DAB1: variants seen among roughly 807,000 people sequenced by gnomAD.
The protein encoded by DAB1 is disabled homolog 1.
In DAB1, 15 loss-of-function variants were observed where a neutral mutation model predicts 64.6. The observed-to-expected ratio is 0.23, with a 90% confidence interval of 0.16 to 0.36. The LOEUF (loss-of-function observed/expected upper bound fraction) is 0.36. DAB1 is among the 10% of genes least tolerant of loss of function. DAB1 has a pLI of 1.00. For synonymous variants in DAB1, 235 were observed against 251.9 expected, an observed-to-expected ratio of 0.93 and a Z score of 0.64; for missense variants, 596 against 706.7, an observed-to-expected ratio of 0.84 and a Z score of 1.78.
At chr1:57,110,105 A>G (rs1192820681) in intron 4 of DAB1, among the ~76,000 whole-genome samples, 1 of 152,204 alleles carries the variant, frequency 6.6e-6, no homozygotes, top group Non-Finnish European at 1.5e-5. Flanking sequence ...TAAAGTGGCC[A>G]CATGTGTCTG....
intron 2 of DAB1, among the ~76,000 whole-genome samples, chr1:57,252,778 C>T (rs1669450245): frequency 6.6e-6 from 1 of 152,102 alleles, no homozygotes; most frequent in Non-Finnish European, 1.5e-5. Context: ...CCTGTAAGTC[C>T]CTGTCGACAG....
chr1:58,004,878 G>T lies in DAB1; in HGVS notation n.388-120716C>A, dbSNP rs569288987. ...CCTAAAGCCAGCTTCCTGAAGAGTG[G>T]AAAACAAACACATTCACACTGACTC... is the stretch of plus-strand genomic sequence containing the variant. On this transcript the variant is annotated intron_variant and non_coding_transcript_variant, in intron 5 of 20. Coordinates refer to the DAB1 transcript ENST00000485760. Among the ~76,000 whole-genome samples, 4 of 152,092 alleles carry T rather than the reference G, an allele frequency of 2.6e-5. No individual in the cohort carries two copies. In the South Asian group the frequency reaches 8.3e-4, roughly 32 times the overall value.
At chr1:57,144,520 C>A (rs1039113048) in intron 3 of DAB1, among the ~76,000 whole-genome samples, 1 of 151,762 alleles carries the variant, frequency 6.6e-6, no homozygotes, top group African/African-American at 2.4e-5. Context: ...ATGGTGAAAC[C>A]CCGTCTCTAC....
chr1:57,656,302 A>G (rs1281310434), intron 6 of DAB1, among the ~76,000 whole-genome samples: 1 of 152,146 alleles, frequency 6.6e-6, no homozygotes, highest in African/African-American at 2.4e-5. Context: ...TAGTCACCTC[A>G]AGGAGAGGTC....
chr1:57,481,356 C>G (rs936276493), intron 7 of DAB1, among the ~76,000 whole-genome samples: 1 of 152,122 alleles, frequency 6.6e-6, no homozygotes, highest in Non-Finnish European at 1.5e-5. Flanking sequence ...CCCCCAACAC[C>G]TCTCTCATTC....
chr1:57,086,031 G>A (rs1330252694), intron 4 of DAB1, among the ~76,000 whole-genome samples: 5 of 152,128 alleles, frequency 3.3e-5, no homozygotes, highest in African/African-American at 7.2e-5. Context: ...ATCAGTATGG[G>A]ATTATTAGGC....
intron 6 of DAB1, among the ~76,000 whole-genome samples, chr1:57,667,935 T>A (rs1318560191): frequency 6.6e-6 from 1 of 151,902 alleles, no homozygotes; most frequent in Non-Finnish European, 1.5e-5. Context: ...ATGTGGGGCT[T>A]AAAACCTAGA....
chr1:57,891,760 T>C (rs1291859964), intron 5 of DAB1, among the ~76,000 whole-genome samples: 5 of 151,756 alleles, frequency 3.3e-5, no homozygotes, highest in Non-Finnish European at 5.9e-5. Flanking sequence ...AAACCAAACA[T>C]CTCATGTTCT....
chr1:57,428,580 C>T (rs775730033), upstream of DAB1, among the ~76,000 whole-genome samples: 5 of 152,176 alleles, frequency 3.3e-5, no homozygotes, highest in East Asian at 3.9e-4. Context: ...GTCATTAGGG[C>T]GGTTCCGTAT....
intron 4 of DAB1, among the ~76,000 whole-genome samples, chr1:58,298,544 C>T (rs1395564560): frequency 6.6e-6 from 1 of 152,246 alleles, no homozygotes; most frequent in Non-Finnish European, 1.5e-5. Flanking sequence ...GAGCCTATGC[C>T]TCTCCAGCAG....
chr1:57,617,287 A>G (rs1645801251), intron 7 of DAB1, among the ~76,000 whole-genome samples: 1 of 152,074 alleles, frequency 6.6e-6, no homozygotes, highest in Non-Finnish European at 1.5e-5. Flanking sequence ...CCGCCAGTGT[A>G]CGAGAGGTTA....
At chr1:57,978,244 G>T (rs986483486) in intron 5 of DAB1, among the ~76,000 whole-genome samples, 1 of 152,118 alleles carries the variant, frequency 6.6e-6, no homozygotes, top group African/African-American at 2.4e-5. Context: ...CAGAACAGAG[G>T]CCTCAGAAAT....
At chr1:57,776,606 A>C (rs1649812483) in intron 6 of DAB1, among the ~76,000 whole-genome samples, 1 of 151,488 alleles carries the variant, frequency 6.6e-6, no homozygotes, top group Admixed American at 6.6e-5. Context: ...AGTGTTTATT[A>C]TTTATATATT....
intron 5 of DAB1, among the ~76,000 whole-genome samples, chr1:58,073,166 T>G (rs1219023449): frequency 6.6e-6 from 1 of 152,214 alleles, no homozygotes; most frequent in African/African-American, 2.4e-5. Flanking sequence ...TCCATGTTCT[T>G]GACACCTATG....
intron 2 of DAB1, among the ~76,000 whole-genome samples, chr1:58,507,651 A>G (rs10789063): frequency 0.31 from 47,197 of 151,818 alleles, 7,772 homozygotes; most frequent in African/African-American, 0.42. Context: ...ATTCATGTTT[A>G]TACACATATA....
chr1:58,480,968 A>C lies in DAB1; in HGVS notation n.257+25092T>G, dbSNP rs533642375. 2.1e-4 allele frequency: 178 copies of C among 862,150 alleles called. 1 individual carries two copies. The South Asian group carries it at 2.4e-3, about 12-fold the overall frequency. 53.4% of individuals were successfully genotyped at this position (862,150 alleles called of 1,614,324 possible). A position where few individuals can be genotyped will look rare whatever the true frequency, so the allele number is the denominator to read the frequency against. ...CTTGTGTCTCATAAATTTTAATTCA[A>C]CTGCCCGTTCTTTTCTCAACTATGT... On this transcript the variant is annotated intron_variant and non_coding_transcript_variant, in intron 3 of 20. Coordinates refer to the DAB1 transcript ENST00000485760.
chr1:57,839,712 T>C, intron 1 of DAB1, among the ~76,000 whole-genome samples: 1 of 152,190 alleles, frequency 6.6e-6, no homozygotes. Flanking sequence ...AAGGAGGCCA[T>C]TAGGAAATGC....
At chr1:57,455,739 C>A (rs1018893392) in intron 7 of DAB1, among the ~76,000 whole-genome samples, 1 of 152,116 alleles carries the variant, frequency 6.6e-6, no homozygotes, top group African/African-American at 2.4e-5. Flanking sequence ...CATCACCAAG[C>A]TGCATCATTC....
intron 4 of DAB1, among the ~76,000 whole-genome samples, chr1:58,239,005 G>A (rs1278302790): frequency 6.6e-6 from 1 of 152,190 alleles, no homozygotes; most frequent in Non-Finnish European, 1.5e-5. Context: ...CCTAGCAACA[G>A]TGTTGTGTCC....
Sources: allele counts gnomAD v4.1 joint callset (sites outside exome capture counted in the v4.1 genomes callset), GRCh38; gene constraint gnomAD v4.1.1; transcripts MANE v1.5; gene names NCBI Gene and HGNC (gene_info 2026-07-23, HGNC 2026-07-21).